The following XKR6 variants were observed in gnomAD, a reference collection of about 807,000 sequenced individuals.
XKR6 encodes the protein XK-related protein 6.
A neutral mutation model predicts 56.7 loss-of-function variants in XKR6; 22 were observed. The ratio of observed to expected loss-of-function variants is 0.39; its 90% CI spans 0.28 to 0.55. The LOEUF is 0.55. Among genes scored for constraint, XKR6 ranks in the 20% least tolerant of loss-of-function variants. XKR6 has a pLI of 0.66. For missense variants in XKR6, 852 were observed against 889.0 expected, an observed-to-expected ratio of 0.96 and a Z score of 0.53; for synonymous variants, 524 against 387.8, an observed-to-expected ratio of 1.35 and a Z score of -4.13.
chr8:11,172,381 C>G (rs763445329), intron 1 of XKR6, among the ~76,000 whole-genome samples: 15 of 151,968 alleles, frequency 9.9e-5, no homozygotes, highest in Non-Finnish European at 1.6e-4. Context: ...AATAAATAAA[C>G]AAAATTACCC....
intron 2 of XKR6, among the ~76,000 whole-genome samples, chr8:10,905,371 C>A (rs999702417): frequency 2.6e-5 from 4 of 152,330 alleles, no homozygotes; most frequent in Admixed American, 2.0e-4. Flanking sequence ...TCACACCCCA[C>A]CCTTAGCTGT....
intron 2 of XKR6, among the ~76,000 whole-genome samples, chr8:10,920,262 T>A (rs2129115543): frequency 1.3e-5 from 2 of 152,228 alleles, no homozygotes; most frequent in Middle Eastern, 3.4e-3. Context: ...CCATCTACAA[T>A]AAAAGAACCA....
intron 1 of XKR6, among the ~76,000 whole-genome samples, chr8:11,103,518 C>G (rs1475752628): frequency 6.6e-6 from 1 of 152,188 alleles, no homozygotes; most frequent in African/African-American, 2.4e-5. Flanking sequence ...TTTCTAGATT[C>G]CACAAATGGG....
chr8:11,135,740 G>GA (rs1800356446), intron 1 of XKR6, among the ~76,000 whole-genome samples: 1 of 150,948 alleles, frequency 6.6e-6, no homozygotes, highest in Non-Finnish European at 1.5e-5. Flanking sequence ...ATTAAAGAAG[G>GA]AAAAGGAGAA....
intron 1 of XKR6, among the ~76,000 whole-genome samples, chr8:11,037,006 C>T (rs940055762): frequency 2.0e-5 from 3 of 152,206 alleles, no homozygotes; most frequent in Admixed American, 6.5e-5. Flanking sequence ...CAGCTGAAAA[C>T]GTCGGTGCCC....
intron 1 of XKR6, chr8:11,194,754 T>C (rs1803778829): frequency 1.1e-5 from 2 of 190,154 alleles, no homozygotes; most frequent in Admixed American, 5.7e-5. Context: ...ACCTTATGAA[T>C]AAGTCTATAG....
At chr8:11,192,619 G>C (rs1048094559) in intron 1 of XKR6, among the ~76,000 whole-genome samples, 3 of 151,922 alleles carry the variant, frequency 2.0e-5, no homozygotes, top group South Asian at 4.2e-4. Context: ...TGTTTCTTTA[G>C]AAAAAAAATT....
At chr8:11,199,154 A>G (rs1218552431) in intron 1 of XKR6, among the ~76,000 whole-genome samples, 3 of 152,208 alleles carry the variant, frequency 2.0e-5, no homozygotes, top group Admixed American at 6.5e-5. Context: ...ATGCAGCTAG[A>G]AAAAAAGCTG....
rs1295787395 is a variant in XKR6 at position 11,071,535 on chromosome 8, C to T, written c.764+129041G>A. On this transcript the variant is annotated intron_variant, in intron 1 of 2. Coordinates refer to ENST00000416569, the MANE Select transcript of XKR6 (RefSeq NM_173683.4). ...CTATGAGCCCCGAGTCCATGAGCCC[C>T]GAGTCTATGAGCCCCGAGTCCATGA... 6.7e-4 allele frequency among the ~76,000 whole-genome samples: 93 copies of T among 139,506 alleles called. 1 individual carries two copies. Among genetic ancestry groups the T allele is most frequent in the Non-Finnish European group, 1.1e-3 (71 of 63,926 alleles). 91.5% of individuals were successfully genotyped at this position (139,506 alleles called of 152,430 possible).
rs1298950248 is a variant in XKR6, at chr8:11,093,570, T to A, written c.764+107006A>T. ...TTATAATAGCCAGATGTTGGCAACA[T>A]GGTCCTTTTCTTCTTCTTGAAATTC... On this transcript the variant is annotated intron_variant, in intron 1 of 2. Coordinates refer to ENST00000416569, the MANE Select transcript of XKR6 (RefSeq NM_173683.4). Among the ~76,000 whole-genome samples, 5 of 152,200 alleles carry A rather than the reference T, an allele frequency of 3.3e-5. No homozygotes were observed. In the East Asian group the frequency reaches 9.6e-4, roughly 29 times the overall value.
intron 1 of XKR6, among the ~76,000 whole-genome samples, chr8:10,958,636 GAGGA>G (rs1365790975): frequency 6.6e-6 from 1 of 152,224 alleles, no homozygotes; most frequent in Non-Finnish European, 1.5e-5. Context: ...CCCTTTTACA[GAGGA>G]AGACACAGGC....
At chr8:11,142,579 T>G (rs879893231) in intron 1 of XKR6, among the ~76,000 whole-genome samples, 3 of 152,130 alleles carry the variant, frequency 2.0e-5, no homozygotes, top group Admixed American at 2.0e-4. Flanking sequence ...GAGATCTGAT[T>G]GCTTACAAGT....
intron 2 of XKR6, among the ~76,000 whole-genome samples, chr8:10,902,515 C>A (rs1003118865): frequency 1.3e-5 from 2 of 152,178 alleles, no homozygotes; most frequent in Admixed American, 6.5e-5. Flanking sequence ...TCCGTCTGGT[C>A]CCTCTGTCAG....
intron 1 of XKR6, among the ~76,000 whole-genome samples, chr8:11,020,909 A>G (rs886957015): frequency 3.3e-5 from 5 of 152,212 alleles, no homozygotes; most frequent in African/African-American, 1.2e-4. Context: ...TCAGAGAGTC[A>G]GTATATGTGA....
rs540500295 is a variant in XKR6 at position 11,036,407 on chromosome 8, CT to C, written c.765-111578del. 1.5e-3 allele frequency among the ~76,000 whole-genome samples: 233 copies of C among 152,322 alleles called. 1 individual carries two copies. Among genetic ancestry groups the C allele is most frequent in the African/African-American group, 3.2e-3 (135 of 41,572 alleles). On this transcript the variant is annotated intron_variant, in intron 1 of 2. Coordinates refer to ENST00000416569, the MANE Select transcript of XKR6 (RefSeq NM_173683.4). The stretch of plus-strand genomic sequence containing the variant: ...AAAGTAAGAATAACCCCAAAGATAT[CT>C]TCTCTGGTCAAAGAGTTTCCAAACC...
chr8:10,954,191 T>G (rs1223898591), intron 1 of XKR6, among the ~76,000 whole-genome samples: 1 of 152,246 alleles, frequency 6.6e-6, no homozygotes, highest in African/African-American at 2.4e-5. Context: ...GTAGTGGAAC[T>G]GCTGGGTCAC....
chr8:11,005,659 A>T (rs1372241632), intron 1 of XKR6, among the ~76,000 whole-genome samples: 2 of 152,184 alleles, frequency 1.3e-5, no homozygotes, highest in South Asian at 4.1e-4. Context: ...GGAAAAATAC[A>T]TCACATTGTA....
In XKR6 at chr8:11,049,686, C is replaced by A. The variant is rs188764774; in HGVS notation, c.765-124856G>T. Among the ~76,000 whole-genome samples, 19 of 152,302 alleles carry A rather than the reference C, an allele frequency of 1.2e-4. 1 individual carries two copies. Among genetic ancestry groups the A allele is most frequent in the Admixed American group, 3.9e-4 (6 of 15,300 alleles). ...CCCCGTGGGCTGGCAGGGGAGGCAC[C>A]AGTGTTAACACTGGAAACACCTGGC... On this transcript the variant is annotated intron_variant, in intron 1 of 2. Transcript: ENST00000416569.
intron 1 of XKR6, among the ~76,000 whole-genome samples, chr8:10,953,699 T>A (rs1210991947): frequency 6.6e-6 from 1 of 152,222 alleles, no homozygotes; most frequent in Non-Finnish European, 1.5e-5. Flanking sequence ...CCCTTTAAGA[T>A]GTATAATTCA....
Sources: gnomAD v4.1 joint callset for allele counts (sites outside exome capture counted in the v4.1 genomes callset) on GRCh38, gnomAD v4.1.1 for gene constraint, MANE v1.5 for transcripts, NCBI Gene and HGNC (gene_info 2026-07-23, HGNC 2026-07-21) for gene names.